The following FOXO3 variants were observed in gnomAD, a reference collection of about 807,000 sequenced individuals.
The protein encoded by FOXO3 is forkhead box protein O3.
In FOXO3, 4 loss-of-function variants were observed where a neutral mutation model predicts 41.9. The observed-to-expected ratio is 0.10, with a 90% CI of 0.05 to 0.22. The LOEUF (loss-of-function observed/expected upper bound fraction) is 0.22. Among genes scored for constraint, FOXO3 ranks in the 10% least tolerant of loss-of-function variants. The probability of loss-of-function intolerance (pLI) is 1.00; values close to 1 mark genes in which losing one functional copy is unlikely to be tolerated. For synonymous variants in FOXO3, 318 were observed against 389.3 expected, an observed-to-expected ratio of 0.82 and a Z score of 2.16; for missense variants, 534 against 906.8, an observed-to-expected ratio of 0.59 and a Z score of 5.28.
At chr6:108,668,099 T>A (rs1327654591) in intron 2 of FOXO3, among the ~76,000 whole-genome samples, 1 of 152,230 alleles carries the variant, frequency 6.6e-6, no homozygotes, top group Non-Finnish European at 1.5e-5. Flanking sequence ...TCCCAAGAGT[T>A]GCTCTCTAAT....
chr6:108,653,500 A>T (rs966380928), intron 1 of FOXO3, among the ~76,000 whole-genome samples: 1 of 152,066 alleles, frequency 6.6e-6, no homozygotes. Context: ...GACACTTAGG[A>T]GCTGATTGGA....
Position 108,683,266 on chromosome 6 carries a change from A to C in FOXO3, c.*3474A>C, listed in dbSNP as rs1245315017. The C allele has an allele frequency of 6.6e-6, 1 of 152,124 alleles. No homozygotes were observed. Among genetic ancestry groups the C allele is most frequent in the South Asian group, 2.1e-4 (1 of 4,826 alleles). The allele number at this position is 152,124 out of a possible 1,614,324, so 9.4% of individuals were successfully genotyped here. A position where few individuals can be genotyped will look rare whatever the true frequency, so the allele number is the denominator to read the frequency against. On this transcript the variant is annotated 3_prime_UTR_variant, in exon 3 of 3. Transcript: ENST00000406360. ...TGAGGAGAGGACACCATGGCTTACT[A>C]CTCAGGACAAGTATGCCCCGCTCAG... is the stretch of plus-strand genomic sequence containing the variant.
chr6:108,621,976 G>A (rs907260531), intron 1 of FOXO3, among the ~76,000 whole-genome samples: 1 of 152,104 alleles, frequency 6.6e-6, no homozygotes, highest in Non-Finnish European at 1.5e-5. Flanking sequence ...GGGGCAGCCG[G>A]GAGTGGTGGC....
At chr6:108,608,641 A>G (rs963832958) in intron 1 of FOXO3, among the ~76,000 whole-genome samples, 5 of 152,202 alleles carry the variant, frequency 3.3e-5, no homozygotes, top group African/African-American at 9.7e-5. Context: ...AGAGTGTACC[A>G]TTTAGGATCC....
At chr6:108,657,928 T>C (rs1778734870) in intron 1 of FOXO3, among the ~76,000 whole-genome samples, 1 of 152,200 alleles carries the variant, frequency 6.6e-6, no homozygotes, top group Non-Finnish European at 1.5e-5. Flanking sequence ...ACAGGTCCAC[T>C]TACATAGAGC....
chr6:108,561,468 C>T lies in FOXO3; in HGVS notation c.260C>T (p.Thr87Met), dbSNP rs1407002205. ...MAIGGGGGSG[T>M]LGSGLLLEDS... ...ATCGGCGGCGGCGGCGGGAGCGGCA[C>T]GCTGGGCTCCGGGCTGCTCCTTGAG... Residue 87 changes from threonine to methionine, a missense_variant, in exon 1 of 3, where the codon ACG becomes ATG. Physicochemically the swap from Thr to Met is moderately conservative, Grantham distance 81. Transcript: ENST00000406360. 1.3e-6 allele frequency: 2 copies of T among 1,528,638 alleles called. No homozygotes were observed. Among genetic ancestry groups the T allele is most frequent in the South Asian group, 1.2e-5 (1 of 80,560 alleles). 94.7% of individuals were successfully genotyped at this position (1,528,638 alleles called of 1,614,324 possible). A position where few individuals can be genotyped will look rare whatever the true frequency, so the allele number is the denominator to read the frequency against.
intron 1 of FOXO3, among the ~76,000 whole-genome samples, chr6:108,639,170 A>G (rs1290186342): frequency 2.0e-5 from 3 of 152,196 alleles, no homozygotes; most frequent in Non-Finnish European, 4.4e-5. Flanking sequence ...TGACCTGAAA[A>G]TAGAGCATTC....
At chr6:108,603,743 C>A (rs1234792347) in intron 1 of FOXO3, among the ~76,000 whole-genome samples, 1 of 152,046 alleles carries the variant, frequency 6.6e-6, no homozygotes, top group African/African-American at 2.4e-5. Context: ...TTGAACTAAT[C>A]CTGGACAGCC....
At chr6:108,592,234 A>C (rs1776749234) in intron 1 of FOXO3, among the ~76,000 whole-genome samples, 1 of 152,212 alleles carries the variant, frequency 6.6e-6, no homozygotes, top group Non-Finnish European at 1.5e-5. Context: ...ATATTTGCCC[A>C]AATTCGTGTA....
At chr6:108,658,977 C>CA (rs1778768424) in intron 1 of FOXO3, among the ~76,000 whole-genome samples, 1 of 152,126 alleles carries the variant, frequency 6.6e-6, no homozygotes, top group Non-Finnish European at 1.5e-5. Context: ...CTCAGCCTCC[C>CA]AGGCACAAGT....
At chr6:108,641,890 A>G (rs1000303653) in intron 1 of FOXO3, among the ~76,000 whole-genome samples, 1 of 152,164 alleles carries the variant, frequency 6.6e-6, no homozygotes, top group Non-Finnish European at 1.5e-5. Flanking sequence ...TTGAATACAA[A>G]TGCTATTCAT....
intron 1 of FOXO3, 149 bp from the exon 2 acceptor site, chr6:108,663,306 C>A: frequency 7.9e-7 from 1 of 1,264,852 alleles, no homozygotes; most frequent in Non-Finnish European, 1.1e-6. Flanking sequence ...GAGGCTGCAC[C>A]ACTGCATTCC....
At chr6:108,676,360 G>A (rs1290872846) in intron 2 of FOXO3, among the ~76,000 whole-genome samples, 1 of 152,068 alleles carries the variant, frequency 6.6e-6, no homozygotes, top group East Asian at 1.9e-4. Context: ...TTTTCTTACA[G>A]CATTTTAAAA....
chr6:108,593,703 TTTC>T (rs1209700960), intron 1 of FOXO3, among the ~76,000 whole-genome samples: 15 of 143,650 alleles, frequency 1.0e-4, no homozygotes, highest in Middle Eastern at 3.6e-3. Context: ...TTTCTTTTCT[TTTC>T]TTCTTCTTTT....
chr6:108,613,429 T>C (rs958227440), intron 1 of FOXO3, among the ~76,000 whole-genome samples: 1 of 152,214 alleles, frequency 6.6e-6, no homozygotes, highest in Non-Finnish European at 1.5e-5. Context: ...TGCTGTTGGC[T>C]TGTCTGTTTC....
At chr6:108,575,318 T>C (rs1776232540) in intron 1 of FOXO3, among the ~76,000 whole-genome samples, 1 of 151,880 alleles carries the variant, frequency 6.6e-6, no homozygotes, top group African/African-American at 2.4e-5. Flanking sequence ...GGCTGAGTGA[T>C]GTTTAAAGCC....
chr6:108,616,985 A>G (rs1777534385), intron 1 of FOXO3, among the ~76,000 whole-genome samples: 1 of 152,258 alleles, frequency 6.6e-6, no homozygotes, highest in Non-Finnish European at 1.5e-5. Context: ...ATTGCTAAAT[A>G]ATAATCCATT....
chr6:108,586,435 C>T (rs1275309028), intron 1 of FOXO3, among the ~76,000 whole-genome samples: 2 of 152,104 alleles, frequency 1.3e-5, no homozygotes, highest in African/African-American at 4.8e-5. Context: ...TGAGCCAGTC[C>T]ATTAGTTTCA....
chr6:108,595,303 T>C (rs1776848656), intron 1 of FOXO3, among the ~76,000 whole-genome samples: 1 of 152,136 alleles, frequency 6.6e-6, no homozygotes, highest in African/African-American at 2.4e-5. Flanking sequence ...AAGGAGGAGG[T>C]AGAGAGAAAA....
Sources: gnomAD v4.1 joint callset for allele counts (sites outside exome capture counted in the v4.1 genomes callset) on GRCh38, gnomAD v4.1.1 for gene constraint, MANE v1.5 for transcripts, NCBI Gene and HGNC (gene_info 2026-07-23, HGNC 2026-07-21) for gene names.